Variants in FOXP1 observed in about 807,000 individuals in gnomAD.
The protein encoded by FOXP1 is forkhead box P1.
Under a neutral mutation model 98.2 loss-of-function variants are expected in FOXP1, and 15 were observed. The observed-to-expected ratio is 0.15, with a 90% CI of 0.10 to 0.24. The LOEUF is 0.24. Among genes scored for constraint, FOXP1 ranks in the 10% least tolerant of loss-of-function variants. The pLI is 1.00. For synonymous variants in FOXP1, 371 were observed against 314.5 expected (o/e 1.18, Z -1.90); for missense variants, 633 against 848.5 (o/e 0.75, Z 3.15).
chr3:71,475,601 G>T (rs1032340567), intron 3 of FOXP1, among the ~76,000 whole-genome samples: 11 of 150,832 alleles, frequency 7.3e-5, no homozygotes, highest in Non-Finnish European at 1.6e-4. Context: ...CCAGCACTTT[G>T]GGAGGGTGAG....
intron 5 of FOXP1, among the ~76,000 whole-genome samples, chr3:71,282,056 C>T (rs1312713559): frequency 6.6e-6 from 1 of 151,692 alleles, no homozygotes; most frequent in Non-Finnish European, 1.5e-5. Context: ...GTGCAGTGAG[C>T]TGAGATTGTG....
intron 3 of FOXP1, among the ~76,000 whole-genome samples, chr3:71,430,117 C>G (rs1172663911): frequency 6.6e-6 from 1 of 152,114 alleles, no homozygotes; most frequent in Non-Finnish European, 1.5e-5. Flanking sequence ...AGAGAAAGAC[C>G]ACCCTGGGAA....
rs2080298323 is a variant in FOXP1 at position 71,383,048 on chromosome 3, G to C, written c.-167-23804C>G. ...TTTTTCAGAGTTTTTGTAACACCAAGTCAGGAACATCACTGTGAAAACTAT... is the reference window on the plus strand; with the variant it reads ...TTTTTCAGAGTTTTTGTAACACCAACTCAGGAACATCACTGTGAAAACTAT... On this transcript the variant is annotated intron_variant, in intron 3 of 20. Coordinates refer to ENST00000649528, the MANE Select transcript of FOXP1 (RefSeq NM_001349338.3). Among the ~76,000 whole-genome samples the C allele has an allele frequency of 3.3e-5, 5 of 152,196 alleles. No individual in the cohort carries two copies. In the South Asian group the frequency reaches 1.0e-3, roughly 32 times the overall value.
intron 3 of FOXP1, among the ~76,000 whole-genome samples, chr3:71,477,427 C>T (rs2089940063): frequency 6.6e-6 from 1 of 152,076 alleles, no homozygotes; most frequent in Non-Finnish European, 1.5e-5. Flanking sequence ...GTGTAGGTTG[C>T]CATGACTTAA....
chr3:71,203,563 A>G (rs1161500464), intron 5 of FOXP1, among the ~76,000 whole-genome samples: 1 of 152,208 alleles, frequency 6.6e-6, no homozygotes, highest in African/African-American at 2.4e-5. Context: ...CTTGTGAAAG[A>G]TTTTAAGCTA....
chr3:71,325,187 G>C (rs2075616460), intron 4 of FOXP1, among the ~76,000 whole-genome samples: 1 of 151,828 alleles, frequency 6.6e-6, no homozygotes, highest in African/African-American at 2.4e-5. Context: ...CAAGTAGCTG[G>C]GATTACAGGC....
At chr3:71,528,235 G>GGTAATACAA (rs2043552364) in intron 2 of FOXP1, among the ~76,000 whole-genome samples, 1 of 152,176 alleles carries the variant, frequency 6.6e-6, no homozygotes, top group Non-Finnish European at 1.5e-5. Flanking sequence ...CTGACAAACA[G>GGTAATACAA]GTAATACAAG....
intron 3 of FOXP1, among the ~76,000 whole-genome samples, chr3:71,382,167 T>C (rs753536794): frequency 3.3e-5 from 5 of 151,812 alleles, no homozygotes; most frequent in African/African-American, 1.2e-4. Flanking sequence ...CCCAGCTACT[T>C]GGGAAGCGGA....
chr3:71,242,465 G>T (rs1012105433), intron 5 of FOXP1, among the ~76,000 whole-genome samples: 3 of 152,118 alleles, frequency 2.0e-5, no homozygotes, highest in Non-Finnish European at 2.9e-5. Flanking sequence ...ACATCAGGAG[G>T]TACAGCTAGC....
chr3:70,982,500 C>A (rs926388312), intron 14 of FOXP1, among the ~76,000 whole-genome samples: 3 of 152,126 alleles, frequency 2.0e-5, no homozygotes, highest in Non-Finnish European at 4.4e-5. Flanking sequence ...TTCTACATGG[C>A]AAGTTTCCAT....
intron 5 of FOXP1, among the ~76,000 whole-genome samples, chr3:71,284,002 A>G (rs2071839386): frequency 6.6e-6 from 1 of 152,204 alleles, no homozygotes; most frequent in Admixed American, 6.5e-5. Flanking sequence ...AGAACAGCCT[A>G]AAGAAACAAA....
In FOXP1 at chr3:71,412,939, C is replaced by T. The variant is rs138454034; in HGVS notation, c.-167-53695G>A. Among the ~76,000 whole-genome samples the T allele has an allele frequency of 6.6e-5, 10 of 152,194 alleles. No homozygotes were observed. The East Asian group carries it at 1.3e-3, about 21-fold the overall frequency. On this transcript the variant is annotated intron_variant, in intron 3 of 20. Coordinates refer to ENST00000649528, the MANE Select transcript of FOXP1 (RefSeq NM_001349338.3). ...GGAGAATTAATGTGCCGCCTGTGCACATATGCAGTAAGAGTTTAAAAAAAG... is the reference window on the plus strand; with the variant it reads ...GGAGAATTAATGTGCCGCCTGTGCATATATGCAGTAAGAGTTTAAAAAAAG...
rs184080171 is a variant in FOXP1, at chr3:71,405,350, C to G, written c.-167-46106G>C. On this transcript the variant is annotated intron_variant, in intron 3 of 20. Transcript: ENST00000649528. ...TCAGGGGAATCTATGTTCTGTGCAT[C>G]CAAATCATCACCTTACGAGTAAAAA... Among the ~76,000 whole-genome samples, 4 of 152,324 alleles carry G rather than the reference C, an allele frequency of 2.6e-5. No individual in the cohort carries two copies. In the East Asian group the frequency reaches 7.7e-4, roughly 29 times the overall value.
intron 6 of FOXP1, among the ~76,000 whole-genome samples, chr3:71,157,036 A>G (rs569276351): frequency 6.6e-6 from 1 of 152,372 alleles, no homozygotes; most frequent in East Asian, 1.9e-4. Flanking sequence ...GGGTACAGGA[A>G]AAGCACAAGA....
At chr3:71,094,108 G>A (rs1256035346) in intron 7 of FOXP1, among the ~76,000 whole-genome samples, 1 of 152,152 alleles carries the variant, frequency 6.6e-6, no homozygotes, top group East Asian at 1.9e-4. Flanking sequence ...TAAAAGGCCA[G>A]AGAATAAATA....
intron 5 of FOXP1, among the ~76,000 whole-genome samples, chr3:71,282,492 C>T (rs145259922): frequency 6.9e-4 from 105 of 152,092 alleles, no homozygotes; most frequent in African/African-American, 2.4e-3. Context: ...GTTGTGGAGC[C>T]GACATTTACT....
At chr3:71,107,646 C>A (rs1437545544) in intron 7 of FOXP1, among the ~76,000 whole-genome samples, 1 of 152,124 alleles carries the variant, frequency 6.6e-6, no homozygotes, top group Non-Finnish European at 1.5e-5. Context: ...AAATTATCCT[C>A]CTTACTAATC....
chr3:71,433,929 C>T (rs1311895614), intron 3 of FOXP1, among the ~76,000 whole-genome samples: 2 of 152,206 alleles, frequency 1.3e-5, no homozygotes, highest in Non-Finnish European at 2.9e-5. Context: ...AAACCCAAGC[C>T]CACGTTACAG....
intron 4 of FOXP1, among the ~76,000 whole-genome samples, chr3:71,316,252 C>A (rs2075067991): frequency 6.6e-6 from 1 of 152,118 alleles, no homozygotes; most frequent in Non-Finnish European, 1.5e-5. Flanking sequence ...ACAGCCCTTG[C>A]CCCCAAGCCT....
Sources: allele counts gnomAD v4.1 joint callset (sites outside exome capture counted in the v4.1 genomes callset), GRCh38; gene constraint gnomAD v4.1.1; transcripts MANE v1.5; gene names NCBI Gene and HGNC (gene_info 2026-07-23, HGNC 2026-07-21).